Variants in PDE4D observed in about 807,000 individuals in gnomAD.
PDE4D encodes phosphodiesterase 4D.
PDE4D carries 24 observed loss-of-function variants against 87.4 expected under a neutral mutation model. That is an observed-to-expected ratio of 0.27 (90% CI 0.20 to 0.39). The LOEUF is 0.39. PDE4D is among the 10% of genes least tolerant of loss of function. The pLI is 1.00. For synonymous variants in PDE4D, 384 were observed against 383.2 expected, an observed-to-expected ratio of 1.00 and a Z score of -0.02; for missense variants, 714 against 1,041.0, an observed-to-expected ratio of 0.69 and a Z score of 4.32.
intron 1 of PDE4D, among the ~76,000 whole-genome samples, chr5:59,637,768 G>A (rs931925036): frequency 1.3e-5 from 2 of 152,118 alleles, no homozygotes; most frequent in African/African-American, 4.8e-5. Flanking sequence ...GGGGGCAAGG[G>A]AAGGGATAAC....
At chr5:60,213,102 C>T (rs1743437763) in intron 1 of PDE4D, among the ~76,000 whole-genome samples, 1 of 152,174 alleles carries the variant, frequency 6.6e-6, no homozygotes, top group Non-Finnish European at 1.5e-5. Context: ...ATTAATTTCT[C>T]CCTTCTTCCA....
intron 1 of PDE4D, among the ~76,000 whole-genome samples, chr5:59,757,213 G>A (rs576713284): frequency 6.6e-6 from 1 of 152,292 alleles, no homozygotes; most frequent in South Asian, 2.1e-4. Flanking sequence ...CAGTCTGAGA[G>A]CCCAAGGAAA....
At chr5:60,274,975 T>C (rs1751219337) in intron 1 of PDE4D, among the ~76,000 whole-genome samples, 1 of 152,234 alleles carries the variant, frequency 6.6e-6, no homozygotes, top group Admixed American at 6.5e-5. Context: ...CCCTGGGAGA[T>C]GTGCATGCAC....
intron 1 of PDE4D, among the ~76,000 whole-genome samples, chr5:60,188,858 T>G (rs1045878262): frequency 2.6e-5 from 4 of 152,212 alleles, no homozygotes; most frequent in Admixed American, 6.5e-5. Context: ...TTTTGTCTAC[T>G]CTTCCATAGT....
intron 3 of PDE4D, among the ~76,000 whole-genome samples, chr5:59,902,551 A>T (rs1414327101): frequency 2.0e-5 from 3 of 152,146 alleles, no homozygotes; most frequent in Non-Finnish European, 4.4e-5. Context: ...TAACTGAGAG[A>T]AGGAAGGAGC....
intron 1 of PDE4D, among the ~76,000 whole-genome samples, chr5:59,557,590 G>A (rs1363153015): frequency 1.3e-5 from 2 of 152,072 alleles, no homozygotes; most frequent in East Asian, 3.8e-4. Flanking sequence ...TAGTCAGTAG[G>A]TTTATGTCTA....
Position 60,274,453 on chromosome 5 carries a change from C to T in PDE4D, c.-89-88766G>A, listed in dbSNP as rs557457791. Among the ~76,000 whole-genome samples the T allele has an allele frequency of 4.6e-5, 7 of 152,196 alleles. No homozygotes were observed. The East Asian group carries it at 1.4e-3, about 29-fold the overall frequency. On this transcript the variant is annotated intron_variant, in intron 1 of 16. Transcript: ENST00000502484. ...TCGACTCACTGCAATTTCCACCTCC[C>T]GGGTTCAAGCGATTCTCCTGCCTCA... is the stretch of plus-strand genomic sequence containing the variant.
chr5:59,371,226 G>A (rs1783880359), intron 1 of PDE4D, among the ~76,000 whole-genome samples: 1 of 152,186 alleles, frequency 6.6e-6, no homozygotes, highest in Non-Finnish European at 1.5e-5. Flanking sequence ...GGACTGTGAA[G>A]GAACTTGAAT....
chr5:59,626,764 A>T (rs1002753696), intron 1 of PDE4D, among the ~76,000 whole-genome samples: 1 of 152,232 alleles, frequency 6.6e-6, no homozygotes, highest in Non-Finnish European at 1.5e-5. Context: ...AAATAAATTA[A>T]GGTAATAACT....
chr5:59,512,384 A>G (rs1810432456), intron 1 of PDE4D, among the ~76,000 whole-genome samples: 1 of 152,148 alleles, frequency 6.6e-6, no homozygotes, highest in Non-Finnish European at 1.5e-5. Flanking sequence ...TGATCAATCA[A>G]CGTGCTCTTT....
chr5:59,042,104 G>A (rs1759784064), intron 5 of PDE4D, among the ~76,000 whole-genome samples: 1 of 152,202 alleles, frequency 6.6e-6, no homozygotes, highest in Non-Finnish European at 1.5e-5. Context: ...ACATGCTAGT[G>A]AGAAAATAAT....
At chr5:59,334,060 G>A (rs939515835) in intron 1 of PDE4D, among the ~76,000 whole-genome samples, 3 of 151,742 alleles carry the variant, frequency 2.0e-5, no homozygotes, top group African/African-American at 4.8e-5. Flanking sequence ...AAGTTATAGG[G>A]TTTTCTTTTA....
intron 1 of PDE4D, among the ~76,000 whole-genome samples, chr5:59,569,257 G>A (rs943065785): frequency 1.3e-5 from 2 of 151,924 alleles, no homozygotes; most frequent in African/African-American, 2.4e-5. Context: ...TCATTAATTA[G>A]AGCCAAGTTA....
chr5:59,390,541 A>T (rs1788026767), intron 1 of PDE4D, among the ~76,000 whole-genome samples: 1 of 152,188 alleles, frequency 6.6e-6, no homozygotes, highest in Non-Finnish European at 1.5e-5. Flanking sequence ...GTGTTAAAGT[A>T]TAAAGAGCAA....
At chr5:59,513,563 G>A (rs1344677999) in intron 1 of PDE4D, among the ~76,000 whole-genome samples, 1 of 152,082 alleles carries the variant, frequency 6.6e-6, no homozygotes, top group Non-Finnish European at 1.5e-5. Flanking sequence ...CATGATTTGT[G>A]CAGTTCATAA....
intron 1 of PDE4D, among the ~76,000 whole-genome samples, chr5:59,876,012 T>G (rs72751293): frequency 0.22 from 34,156 of 152,048 alleles, 4,876 homozygotes; most frequent in Admixed American, 0.34. Context: ...TAATAGATGC[T>G]AGGCTTAATA....
chr5:60,409,033 C>A (rs1741817201), intron 1 of PDE4D, among the ~76,000 whole-genome samples: 1 of 152,020 alleles, frequency 6.6e-6, no homozygotes. Context: ...CGGACACAGC[C>A]CCTGTCCTCT....
chr5:60,253,225 C>G (rs188948328), intron 1 of PDE4D, among the ~76,000 whole-genome samples: 2 of 151,912 alleles, frequency 1.3e-5, no homozygotes, highest in Non-Finnish European at 2.9e-5. Flanking sequence ...ACAGCACAGG[C>G]TCTTTGCACC....
intron 1 of PDE4D, among the ~76,000 whole-genome samples, chr5:59,521,110 T>TA (rs11347219): frequency 0.051 from 7,208 of 142,588 alleles, 219 homozygotes; most frequent in Admixed American, 0.092. Flanking sequence ...AGGAGATCAC[T>TA]AAAAAAAAAA....
Sources: gnomAD v4.1 joint callset for allele counts (sites outside exome capture counted in the v4.1 genomes callset) on GRCh38, gnomAD v4.1.1 for gene constraint, MANE v1.5 for transcripts, NCBI Gene and HGNC (gene_info 2026-07-23, HGNC 2026-07-21) for gene names.